CNTN5: variants seen among roughly 807,000 people sequenced by gnomAD.
CNTN5 encodes contactin-5.
Under a neutral mutation model 129.1 loss-of-function variants are expected in CNTN5, and 77 were observed. The observed-to-expected ratio is 0.60, with a 90% confidence interval of 0.50 to 0.72. The LOEUF (loss-of-function observed/expected upper bound fraction) is 0.72, where lower values mean the gene tolerates loss of function less well. Among genes scored for constraint, CNTN5 ranks in the 30% least tolerant of loss-of-function variants. The pLI is 0.00. For synonymous variants in CNTN5, 509 were observed against 465.6 expected (o/e 1.09, Z -1.20); for missense variants, 1,478 against 1,328.8 (o/e 1.11, Z -1.75).
At chr11:99,253,756 G>A (rs1049632303) in intron 1 of CNTN5, among the ~76,000 whole-genome samples, 4 of 151,154 alleles carry the variant, frequency 2.6e-5, no homozygotes, top group East Asian at 2.0e-4. Context: ...TTTCACACTC[G>A]TTCCTCGTGT....
chr11:99,906,642 G>A (rs1949514276), intron 6 of CNTN5, among the ~76,000 whole-genome samples: 1 of 152,134 alleles, frequency 6.6e-6, no homozygotes, highest in African/African-American at 2.4e-5. Context: ...TTTGGTATCA[G>A]GATGATGCTG....
chr11:99,115,513 C>T (rs969440092), intron 1 of CNTN5, among the ~76,000 whole-genome samples: 5 of 152,088 alleles, frequency 3.3e-5, no homozygotes, highest in African/African-American at 1.2e-4. Flanking sequence ...AATCCTAGCA[C>T]TTTGTGAGGC....
chr11:99,874,835 T>C (rs1005707290), intron 6 of CNTN5, among the ~76,000 whole-genome samples: 16 of 152,168 alleles, frequency 1.1e-4, no homozygotes, highest in African/African-American at 3.6e-4. Flanking sequence ...CATTATTCTT[T>C]TGGAAGCTCA....
chr11:99,776,434 A>G (rs1945127171), intron 3 of CNTN5, among the ~76,000 whole-genome samples: 1 of 151,930 alleles, frequency 6.6e-6, no homozygotes, highest in Admixed American at 6.6e-5. Flanking sequence ...TCCTATCATT[A>G]TCAATTTTTT....
intron 2 of CNTN5, among the ~76,000 whole-genome samples, chr11:99,370,259 T>C (rs953717479): frequency 1.3e-5 from 2 of 152,224 alleles, no homozygotes; most frequent in African/African-American, 4.8e-5. Context: ...AGGTTATCTT[T>C]GGATTAATTT....
chr11:99,609,883 G>T (rs1236973449), intron 3 of CNTN5, among the ~76,000 whole-genome samples: 1 of 152,038 alleles, frequency 6.6e-6, no homozygotes, highest in Admixed American at 6.6e-5. Context: ...CTTTTTCTTA[G>T]GGTTGTTAGA....
At chr11:99,222,167 A>T (rs1324102780) in intron 1 of CNTN5, among the ~76,000 whole-genome samples, 1 of 152,046 alleles carries the variant, frequency 6.6e-6, no homozygotes, top group East Asian at 1.9e-4. Flanking sequence ...TGCATTTTAT[A>T]AATGTGTAAT....
chr11:100,098,272 C>T (rs1317574893), intron 13 of CNTN5, among the ~76,000 whole-genome samples: 1 of 151,936 alleles, frequency 6.6e-6, no homozygotes, highest in African/African-American at 2.4e-5. Context: ...CAATATTATT[C>T]ATCTTTTGTT....
chr11:99,662,812 G>A (rs748773187), intron 3 of CNTN5, among the ~76,000 whole-genome samples: 2 of 152,124 alleles, frequency 1.3e-5, no homozygotes, highest in African/African-American at 2.4e-5. Context: ...AATCTCAGAC[G>A]CCATCCAGAG....
chr11:99,533,087 G>A (rs530188039), intron 2 of CNTN5, among the ~76,000 whole-genome samples: 1 of 152,314 alleles, frequency 6.6e-6, no homozygotes, highest in African/African-American at 2.4e-5. Context: ...GCCATGTATA[G>A]TGAAATGTGC....
At chr11:100,041,520 C>G (rs1942379766) in intron 9 of CNTN5, among the ~76,000 whole-genome samples, 1 of 152,058 alleles carries the variant, frequency 6.6e-6, no homozygotes, top group African/African-American at 2.4e-5. Flanking sequence ...ACTCTTGTTC[C>G]TTGGCAAGGC....
intron 1 of CNTN5, among the ~76,000 whole-genome samples, chr11:99,277,355 T>C (rs2135877267): frequency 6.6e-6 from 1 of 151,774 alleles, no homozygotes; most frequent in African/African-American, 2.4e-5. Context: ...CTCAGTTTGA[T>C]GTCTTTATAT....
chr11:99,612,711 A>G (rs1463969142), intron 3 of CNTN5, among the ~76,000 whole-genome samples: 1 of 152,242 alleles, frequency 6.6e-6, no homozygotes, highest in Non-Finnish European at 1.5e-5. Context: ...ACTTCACTTT[A>G]TGCATTCAAT....
intron 1 of CNTN5, among the ~76,000 whole-genome samples, chr11:99,113,436 G>T (rs918207970): frequency 6.6e-6 from 1 of 152,024 alleles, no homozygotes; most frequent in East Asian, 1.9e-4. Flanking sequence ...GGAGAATAAG[G>T]CAGAAAAAAA....
intron 10 of CNTN5, among the ~76,000 whole-genome samples, chr11:100,070,016 G>A (rs1420414551): frequency 6.6e-6 from 1 of 151,956 alleles, no homozygotes; most frequent in Admixed American, 6.6e-5. Flanking sequence ...TATATACACA[G>A]AGAGATAGAA....
At chr11:100,028,149 G>T (rs899077869) in intron 9 of CNTN5, among the ~76,000 whole-genome samples, 1 of 151,800 alleles carries the variant, frequency 6.6e-6, no homozygotes, top group Non-Finnish European at 1.5e-5. Context: ...GTTTAAAACA[G>T]AAACAGTAAA....
chr11:99,659,829 C>T (rs1430850245), intron 3 of CNTN5, among the ~76,000 whole-genome samples: 1 of 152,024 alleles, frequency 6.6e-6, no homozygotes, highest in Non-Finnish European at 1.5e-5. Flanking sequence ...CATATTTGAC[C>T]AAATTTGTGG....
intron 9 of CNTN5, among the ~76,000 whole-genome samples, chr11:100,049,037 G>C (rs893676484): frequency 6.6e-6 from 1 of 152,004 alleles, no homozygotes; most frequent in African/African-American, 2.4e-5. Context: ...ATAATTTGCT[G>C]CAGGAGAAAA....
Position 99,547,824 on chromosome 11 carries a change from C to T in CNTN5, c.-70-8321C>T, listed in dbSNP as rs142403671. On this transcript the variant is annotated intron_variant, in intron 2 of 24. Transcript: ENST00000524871. Reference sequence around the variant, plus strand: ...CCACATTTTTGACTCATTATTCTTTCAGATAGTTCAGTGTGTTGGTTAAAG... The same window carrying T: ...CCACATTTTTGACTCATTATTCTTTTAGATAGTTCAGTGTGTTGGTTAAAG... 2.4e-3 allele frequency among the ~76,000 whole-genome samples: 371 copies of T among 152,226 alleles called. 3 individuals carry two copies. The highest frequency in any genetic ancestry group is 8.4e-3 in the African/African-American group (350 of 41,540).
Sources: gnomAD v4.1 joint callset for allele counts (sites outside exome capture counted in the v4.1 genomes callset) on GRCh38, gnomAD v4.1.1 for gene constraint, MANE v1.5 for transcripts, NCBI Gene and HGNC (gene_info 2026-07-23, HGNC 2026-07-21) for gene names.